The following TANK variants were observed in gnomAD, a reference collection of about 807,000 sequenced individuals.
The protein encoded by TANK is TRAF family member associated NFKB activator.
TANK carries 15 observed loss-of-function variants against 43.6 expected under a neutral mutation model. That is an observed-to-expected ratio of 0.34 (90% CI 0.23 to 0.53). The LOEUF (loss-of-function observed/expected upper bound fraction) is 0.53, where lower values mean the gene tolerates loss of function less well. TANK is among the 20% of genes least tolerant of loss of function. TANK has a pLI of 0.94. For synonymous variants in TANK, 162 were observed against 178.2 expected (o/e 0.91, Z 0.73); for missense variants, 417 against 498.6 (o/e 0.84, Z 1.56).
At chr2:161,189,263 A>G (rs1018198625) in intron 2 of TANK, among the ~76,000 whole-genome samples, 8 of 152,218 alleles carry the variant, frequency 5.3e-5, no homozygotes, top group Non-Finnish European at 1.2e-4. Flanking sequence ...ACCATGTAAT[A>G]TACCACGTTA....
chr2:161,140,676 T>C (rs747896490), intron 1 of TANK, among the ~76,000 whole-genome samples: 11 of 152,146 alleles, frequency 7.2e-5, no homozygotes, highest in Non-Finnish European at 1.6e-4. Context: ...ATAATGAAAA[T>C]ATTTAAGGCT....
chr2:161,147,048 C>A (rs899328877), intron 1 of TANK, among the ~76,000 whole-genome samples: 1 of 152,228 alleles, frequency 6.6e-6, no homozygotes, highest in Middle Eastern at 3.4e-3. Flanking sequence ...TGCAGGGAGG[C>A]CCCGCCCAAT....
intron 2 of TANK, among the ~76,000 whole-genome samples, chr2:161,189,657 A>C (rs1282922408): frequency 2.0e-5 from 3 of 151,898 alleles, no homozygotes; most frequent in Non-Finnish European, 4.4e-5. Context: ...TTCCACACCC[A>C]AAAAAAACCC....
intron 1 of TANK, among the ~76,000 whole-genome samples, chr2:161,172,569 A>G (rs16845681): frequency 0.11 from 16,809 of 152,030 alleles, 1,673 homozygotes; most frequent in African/African-American, 0.26. Context: ...GTCCAAAATT[A>G]GATTCAGTAT....
At chr2:161,138,511 C>T (rs1442156094) in intron 1 of TANK, among the ~76,000 whole-genome samples, 1 of 152,166 alleles carries the variant, frequency 6.6e-6, no homozygotes, top group Non-Finnish European at 1.5e-5. Context: ...TTTTTAGAAG[C>T]TAGGTCTTTC....
chr2:161,152,885 G>T (rs955591910), intron 1 of TANK, among the ~76,000 whole-genome samples: 6 of 152,126 alleles, frequency 3.9e-5, no homozygotes, highest in Non-Finnish European at 8.8e-5. Context: ...CCTCAGTGTG[G>T]ATTTTTTTGA....
At chr2:161,139,474 G>T (rs1683680188) in intron 1 of TANK, among the ~76,000 whole-genome samples, 1 of 152,066 alleles carries the variant, frequency 6.6e-6, no homozygotes, top group African/African-American at 2.4e-5. Context: ...ACTGTGTAGT[G>T]GTCTGCTGTT....
intron 2 of TANK, among the ~76,000 whole-genome samples, chr2:161,192,354 T>C (rs1435500461): frequency 6.6e-6 from 1 of 152,232 alleles, no homozygotes; most frequent in African/African-American, 2.4e-5. Context: ...TTATTTTCCC[T>C]AAATTTACTT....
chr2:161,154,199 G>GA (rs1370478584), intron 1 of TANK, among the ~76,000 whole-genome samples: 1 of 152,184 alleles, frequency 6.6e-6, no homozygotes, highest in Non-Finnish European at 1.5e-5. Context: ...GCCTAGCTTA[G>GA]AATCAGATCA....
At chr2:161,224,958 C>A (rs1363087803) in intron 6 of TANK, among the ~76,000 whole-genome samples, 1 of 151,730 alleles carries the variant, frequency 6.6e-6, no homozygotes, top group Non-Finnish European at 1.5e-5. Flanking sequence ...GTATATGGTA[C>A]TATATAGATT....
chr2:161,139,248 C>A (rs899758995), intron 1 of TANK, among the ~76,000 whole-genome samples: 12 of 152,154 alleles, frequency 7.9e-5, no homozygotes, highest in African/African-American at 2.9e-4. Flanking sequence ...TGTCTTGTTT[C>A]TGATCTCAGT....
intron 7 of TANK, chr2:161,232,588 A>T (rs1687972094): frequency 3.3e-6 from 3 of 911,444 alleles, no homozygotes; most frequent in Non-Finnish European, 4.6e-6. Context: ...TTCACATCAT[A>T]GTCTCAGTTA....
chr2:161,211,659 G>A, intron 4 of TANK: 1 of 428,592 alleles, frequency 2.3e-6, no homozygotes, highest in Non-Finnish European at 3.1e-6. Flanking sequence ...GTAATTGCAT[G>A]TGTTTGTTAC....
At chr2:161,174,673 AG>A (rs1685100724) in intron 1 of TANK, among the ~76,000 whole-genome samples, 1 of 152,182 alleles carries the variant, frequency 6.6e-6, no homozygotes, top group Non-Finnish European at 1.5e-5. Context: ...AAGAAAATCA[AG>A]GCTGCAGAAC....
intron 1 of TANK, among the ~76,000 whole-genome samples, chr2:161,155,054 C>T (rs958239312): frequency 7.9e-5 from 12 of 152,048 alleles, no homozygotes; most frequent in South Asian, 2.1e-4. Context: ...CAAAAACAAG[C>T]GTACACTTTT....
chr2:161,188,317 G>A (rs1685758392), intron 2 of TANK, among the ~76,000 whole-genome samples: 1 of 151,904 alleles, frequency 6.6e-6, no homozygotes. Flanking sequence ...AAAAAAAGAG[G>A]GAAGACAAAT....
chr2:161,230,045 G>A (rs751782836), intron 6 of TANK, among the ~76,000 whole-genome samples: 22 of 152,038 alleles, frequency 1.4e-4, no homozygotes, highest in Non-Finnish European at 2.8e-4. Flanking sequence ...TATGCTTTTA[G>A]CTCTTGTTGA....
chr2:161,169,084 T>C (rs1480543026), intron 1 of TANK, among the ~76,000 whole-genome samples: 1 of 152,152 alleles, frequency 6.6e-6, no homozygotes, highest in Non-Finnish European at 1.5e-5. Context: ...TAAAACAAGA[T>C]TCAGGAGACT....
intron 2 of TANK, among the ~76,000 whole-genome samples, chr2:161,201,507 G>T (rs1171416825): frequency 6.6e-6 from 1 of 152,050 alleles, no homozygotes; most frequent in African/African-American, 2.4e-5. Context: ...TTTTGGACTG[G>T]TTACTTAATC....
Sources: allele counts gnomAD v4.1 joint callset (sites outside exome capture counted in the v4.1 genomes callset), GRCh38; gene constraint gnomAD v4.1.1; transcripts MANE v1.5; gene names NCBI Gene and HGNC (gene_info 2026-07-23, HGNC 2026-07-21).